RNF214: variants seen among roughly 807,000 people sequenced by gnomAD.
RNF214 encodes ring finger protein 214.
A neutral mutation model predicts 75.9 loss-of-function variants in RNF214; 25 were observed. That is an observed-to-expected ratio of 0.33 (90% CI 0.24 to 0.46). The LOEUF is 0.46. RNF214 is among the 20% of genes least tolerant of loss of function. The probability of loss-of-function intolerance (pLI) is 1.00; values close to 1 mark genes in which losing one functional copy is unlikely to be tolerated. For synonymous variants in RNF214, 314 were observed against 308.8 expected (o/e 1.02, Z -0.18); for missense variants, 725 against 857.5 (o/e 0.85, Z 1.93).
intron 6 of RNF214, among the ~76,000 whole-genome samples, chr11:117,261,692 A>T (rs2033665593): frequency 1.3e-5 from 2 of 151,990 alleles, no homozygotes; most frequent in African/African-American, 2.4e-5. Context: ...GTCGCCCAGG[A>T]TGGAGTGCCG....
At chr11:117,247,672 G>GA (rs1202047089) in intron 6 of RNF214, among the ~76,000 whole-genome samples, 5 of 151,978 alleles carry the variant, frequency 3.3e-5, no homozygotes, top group African/African-American at 1.2e-4. Context: ...CCAATATGGT[G>GA]AAACCCCATC....
At chr11:117,244,676 T>A in intron 5 of RNF214, 91 bp downstream of exon 5, 3 of 1,033,166 alleles carry the variant, frequency 2.9e-6, no homozygotes, top group Non-Finnish European at 2.7e-6. Flanking sequence ...ATTTATTTAT[T>A]TATTTTTGAG....
chr11:117,280,174 T>G lies in RNF214; in HGVS notation c.1060T>G (p.Leu354Val). The change falls in exon 8 of 15, where the codon TTA becomes GTA. Residue 354 changes from leucine to valine, a missense_variant. Coordinates refer to ENST00000300650, the MANE Select transcript of RNF214 (RefSeq NM_207343.4). Reference sequence around the variant, plus strand: ...TATATGTGTGTGGCTTCCTTAGATCTTATCACTAGAGAGCCGGAAAGAGTT... The same window carrying G: ...TATATGTGTGTGGCTTCCTTAGATCGTATCACTAGAGAGCCGGAAAGAGTT... ...ETERAWKAEI[L>V]SLESRKELLV... 1.2e-6 allele frequency: 2 copies of G among 1,612,222 alleles called. No homozygotes were observed. The highest frequency in any genetic ancestry group is 1.7e-6 in the Non-Finnish European group (2 of 1,178,414).
At chr11:117,261,653 T>C (rs186176715) in intron 6 of RNF214, among the ~76,000 whole-genome samples, 4 of 152,244 alleles carry the variant, frequency 2.6e-5, no homozygotes, top group Admixed American at 2.6e-4. Context: ...TTAATTAATT[T>C]TTGTGTGAGT....
At chr11:117,251,071 C>G (rs11501115) in intron 6 of RNF214, among the ~76,000 whole-genome samples, 13,699 of 150,354 alleles carry the variant, frequency 0.091, 756 homozygotes, top group East Asian at 0.16. Context: ...ACCTTTCCCC[C>G]CTTTCTATTC....
chr11:117,265,779 T>C (rs1157392236), intron 6 of RNF214, among the ~76,000 whole-genome samples: 1 of 152,216 alleles, frequency 6.6e-6, no homozygotes, highest in African/African-American at 2.4e-5. Flanking sequence ...AACATACTTA[T>C]TTTAAGTGTA....
intron 4 of RNF214, among the ~76,000 whole-genome samples, chr11:117,243,829 A>T (rs2033142783): frequency 6.6e-6 from 1 of 152,138 alleles, no homozygotes; most frequent in African/African-American, 2.4e-5. Flanking sequence ...AGCTGAGATT[A>T]TAGGCTGGAG....
At chr11:117,271,454 T>A (rs1351765776) in intron 6 of RNF214, among the ~76,000 whole-genome samples, 1 of 152,218 alleles carries the variant, frequency 6.6e-6, no homozygotes, top group Non-Finnish European at 1.5e-5. Context: ...GTGTATTCCT[T>A]TCTCAATGAT....
intron 5 of RNF214, among the ~76,000 whole-genome samples, chr11:117,245,764 A>G (rs897171672): frequency 2.0e-5 from 3 of 152,220 alleles, no homozygotes; most frequent in Admixed American, 1.3e-4. Flanking sequence ...AGAAATCAGA[A>G]TGCAAAATAA....
rs2034228074 is a variant in RNF214 at position 117,285,188 on chromosome 11, T to C, written c.*37T>C. On this transcript the variant is annotated 3_prime_UTR_variant, in exon 15 of 15. Coordinates refer to ENST00000300650, the MANE Select transcript of RNF214 (RefSeq NM_207343.4). The stretch of plus-strand genomic sequence containing the variant: ...GGGGAGGAAGAAGAAGAGAAACTGA[T>C]GTGAACAGGAAGCGCGGGTTCAAGA... 1.4e-6 allele frequency: 2 copies of C among 1,428,128 alleles called. No individual in the cohort carries two copies. The highest frequency in any genetic ancestry group is 1.7e-5 in the Admixed American group (1 of 59,682). The allele number at this position is 1,428,128 out of a possible 1,614,324, so 88.5% of individuals were successfully genotyped here. A position where few individuals can be genotyped will look rare whatever the true frequency, so the allele number is the denominator to read the frequency against.
chr11:117,282,339 G>T (rs551442792), intron 11 of RNF214, 65 bp from the exon 12 acceptor site: 517 of 1,594,532 alleles, frequency 3.2e-4, no homozygotes, highest in Non-Finnish European at 4.3e-4. Context: ...AACAGAGGAG[G>T]TTACATGGGT....
Position 117,280,257 on chromosome 11 carries a change from C to G in RNF214, c.1143C>G (p.Leu381=). 6.4e-7 allele frequency: 1 copy of G among 1,568,092 alleles called. No individual in the cohort carries two copies. The highest frequency in any genetic ancestry group is 8.8e-7 in the Non-Finnish European group (1 of 1,138,536). The part of the protein sequence containing the change: ...EKEAELHLTY[L]KSTPPTLETV... ...AGGCAGAATTGCACCTTACTTACCTCAAGTAAGTACCTTTCCGTTCTAGAG... is the reference window on the plus strand; with the variant it reads ...AGGCAGAATTGCACCTTACTTACCTGAAGTAAGTACCTTTCCGTTCTAGAG... The change falls in exon 8 of 15, where the codon CTC becomes CTG. Residue 381 remains leucine, a splice_region_variant and synonymous_variant. Transcript: ENST00000300650.
intron 14 of RNF214, 95 bp downstream of exon 14, chr11:117,283,305 C>T (rs927662059): frequency 2.5e-6 from 2 of 804,232 alleles, no homozygotes; most frequent in African/African-American, 3.5e-5. Context: ...TTTTCCCTGA[C>T]AGCTAAAATA....
At chr11:117,268,201 T>C (rs989745554) in intron 6 of RNF214, among the ~76,000 whole-genome samples, 5 of 152,224 alleles carry the variant, frequency 3.3e-5, no homozygotes, top group African/African-American at 9.6e-5. Context: ...AGAAACAAAC[T>C]GTTCTTAGTC....
intron 4 of RNF214, 27 bp downstream of exon 4, chr11:117,239,887 A>G: frequency 2.5e-6 from 3 of 1,203,572 alleles, no homozygotes; most frequent in Admixed American, 3.4e-5. Flanking sequence ...TCCTTGTTAT[A>G]TGAAGCCATT....
At chr11:117,271,114 G>C (rs2033901923) in intron 6 of RNF214, among the ~76,000 whole-genome samples, 1 of 151,854 alleles carries the variant, frequency 6.6e-6, no homozygotes, top group Non-Finnish European at 1.5e-5. Flanking sequence ...TGCCCAGTCT[G>C]GTCTCAAACT....
intron 6 of RNF214, among the ~76,000 whole-genome samples, chr11:117,258,281 A>G (rs891263017): frequency 1.3e-5 from 2 of 151,918 alleles, no homozygotes; most frequent in African/African-American, 2.4e-5. Flanking sequence ...GTTGGCCAGG[A>G]TGGTCTCAAT....
At chr11:117,234,548 TACTC>T (rs1284769681) in intron 2 of RNF214, among the ~76,000 whole-genome samples, 169 bp downstream of exon 2, 1 of 152,230 alleles carries the variant, frequency 6.6e-6, no homozygotes, top group Non-Finnish European at 1.5e-5. Flanking sequence ...CAGCACCTGA[TACTC>T]AGCAGGCATG....
Position 117,238,895 on chromosome 11 carries a change from T to C in RNF214, c.402T>C (p.Ser134=), listed in dbSNP as rs759697797. 6.2e-7 allele frequency: 1 copy of C among 1,614,214 alleles called. No individual in the cohort carries two copies. The highest frequency in any genetic ancestry group is 8.5e-7 in the Non-Finnish European group (1 of 1,180,046). Residue 134 remains serine (S), a synonymous_variant, in exon 3 of 15, where the codon TCT becomes TCC. Transcript: ENST00000300650. ...LRESLHPVTR[S]LKAGCHTKQL... Reference sequence around the variant, plus strand: ...AGAGCCTCCATCCAGTCACTCGGTCTCTTAAGGCAGGGTGCCATACTAAGC... The same window carrying C: ...AGAGCCTCCATCCAGTCACTCGGTCCCTTAAGGCAGGGTGCCATACTAAGC...
Sources: allele counts gnomAD v4.1 joint callset (sites outside exome capture counted in the v4.1 genomes callset), GRCh38; gene constraint gnomAD v4.1.1; transcripts MANE v1.5; gene names NCBI Gene and HGNC (gene_info 2026-07-23, HGNC 2026-07-21).